ZRANB2: variants seen among roughly 807,000 people sequenced by gnomAD.
The protein encoded by ZRANB2 is zinc finger Ran-binding domain-containing protein 2.
Under a neutral mutation model 53.4 loss-of-function variants are expected in ZRANB2, and 19 were observed. That is an observed-to-expected ratio of 0.36 (90% confidence interval 0.25 to 0.52). The LOEUF is 0.52. Ranked by LOEUF, ZRANB2 falls within the 20% of genes least tolerant of loss-of-function variation. The probability of loss-of-function intolerance (pLI) is 0.93; values close to 1 mark genes in which losing one functional copy is unlikely to be tolerated. For synonymous variants in ZRANB2, 145 were observed against 134.8 expected (o/e 1.08, Z -0.52); for missense variants, 309 against 401.1 (o/e 0.77, Z 1.96).
At chr1:71,071,075 G>A in intron 6 of ZRANB2, 79 bp from the exon 7 acceptor site, 2 of 1,269,288 alleles carry the variant, frequency 1.6e-6, no homozygotes, top group Non-Finnish European at 2.1e-6. Flanking sequence ...TAGGTGTACT[G>A]AGCACCTCCA....
rs943685279 is a variant in ZRANB2 at position 71,064,281 on chromosome 1, AC to A, written c.*792del. ...CATTAAGTATGATTTAGCCTTTTCT[AC>A]CATATTATATTTGGTAACTACATTT... On this transcript the variant is annotated 3_prime_UTR_variant, in exon 10 of 10. Coordinates refer to ENST00000370920, the MANE Select transcript of ZRANB2 (RefSeq NM_203350.3). 1.3e-5 allele frequency: 2 copies of A among 152,114 alleles called. No individual in the cohort carries two copies. The highest frequency in any genetic ancestry group is 4.8e-5 in the African/African-American group (2 of 41,440). The allele number at this position is 152,114 out of a possible 1,614,324, so 9.4% of individuals were successfully genotyped here.
intron 8 of ZRANB2, 106 bp from the exon 9 acceptor site, chr1:71,067,040 T>C: frequency 3.4e-6 from 4 of 1,166,012 alleles, no homozygotes; most frequent in East Asian, 5.5e-5. Flanking sequence ...ATAACAACTA[T>C]GAAAATTTTA....
chr1:71,072,893 G>T (rs1051623076), intron 4 of ZRANB2, among the ~76,000 whole-genome samples: 2 of 152,000 alleles, frequency 1.3e-5, no homozygotes, highest in African/African-American at 4.8e-5. Flanking sequence ...TCTGGGAAGG[G>T]TGGGCTCAGT....
At chr1:71,079,786 T>C (rs1399782437) in intron 1 of ZRANB2, among the ~76,000 whole-genome samples, 1 of 152,184 alleles carries the variant, frequency 6.6e-6, no homozygotes, top group Non-Finnish European at 1.5e-5. Flanking sequence ...GAAGTTGTTG[T>C]TCTAAATCTT....
intron 3 of ZRANB2, among the ~76,000 whole-genome samples, chr1:71,077,228 C>T (rs1661729421): frequency 2.6e-5 from 4 of 152,164 alleles, no homozygotes; most frequent in African/African-American, 7.2e-5. Flanking sequence ...GAGGACATGA[C>T]ACTCAACAGA....
intron 1 of ZRANB2, 33 bp from the exon 2 acceptor site, chr1:71,078,741 T>G: frequency 1.9e-6 from 3 of 1,578,072 alleles, no homozygotes; most frequent in African/African-American, 1.4e-5. Context: ...TTATAAAAAT[T>G]TAAATTTGTA....
intron 6 of ZRANB2, 102 bp downstream of exon 6, chr1:71,072,019 A>G (rs1395515993): frequency 1.4e-5 from 21 of 1,480,204 alleles, no homozygotes; most frequent in Non-Finnish European, 1.6e-5. Context: ...AAATGAAAAC[A>G]CAGAATATAT....
Position 71,078,718 on chromosome 1 carries a change from G to A in ZRANB2, c.57-10C>T. Reference sequence around the variant, plus strand: ...GTTTACATTTCCACATCTAAAAACAGATTAAAAAGCATTTATAAAAATTTA... The same window carrying A: ...GTTTACATTTCCACATCTAAAAACAAATTAAAAAGCATTTATAAAAATTTA... On this transcript the variant is annotated splice_polypyrimidine_tract_variant and intron_variant, in intron 1 of 9. Transcript: ENST00000370920. The A allele has an allele frequency of 6.2e-7, 1 of 1,607,196 alleles. No homozygotes were observed. Among genetic ancestry groups the A allele is most frequent in the South Asian group, 1.1e-5 (1 of 89,996 alleles).
At chr1:71,071,532 CAT>C (rs1166180385) in intron 6 of ZRANB2, among the ~76,000 whole-genome samples, 1 of 152,118 alleles carries the variant, frequency 6.6e-6, no homozygotes, top group East Asian at 1.9e-4. Context: ...GTACCCTTAA[CAT>C]GGCATAAAAC....
At chr1:71,077,082 G>A (rs1661725870) in intron 3 of ZRANB2, among the ~76,000 whole-genome samples, 1 of 152,196 alleles carries the variant, frequency 6.6e-6, no homozygotes, top group South Asian at 2.1e-4. Context: ...TTTAAGCAGA[G>A]AAGCAAAATT....
chr1:71,068,631 C>G (rs1661516946), intron 8 of ZRANB2, among the ~76,000 whole-genome samples: 1 of 152,050 alleles, frequency 6.6e-6, no homozygotes, highest in Non-Finnish European at 1.5e-5. Context: ...ATACAGTACT[C>G]TAGTAACTTT....
intron 9 of ZRANB2, chr1:71,066,091 T>G (rs1033240096): frequency 1.6e-5 from 3 of 184,590 alleles, no homozygotes; most frequent in Admixed American, 6.1e-5. Context: ...AGACTACAAA[T>G]AAAGCCATTA....
In ZRANB2 at chr1:71,066,057, TAATAA is replaced by T. The variant is rs142681569; in HGVS notation, c.929+714_929+718del. On this transcript the variant is annotated intron_variant, in intron 9 of 9. Coordinates refer to ENST00000370920, the MANE Select transcript of ZRANB2 (RefSeq NM_203350.3). ...TTACATAATCTTTATTTTCACAAGC[TAATAA>T]AATATGAAAAATTTGCAAAGACTAC... The T allele has an allele frequency of 9.2e-3, 1,791 of 194,990 alleles. 39 individuals are homozygous for T. The highest frequency in any genetic ancestry group is 0.039 in the African/African-American group (1,662 of 42,974). The allele number at this position is 194,990 out of a possible 1,614,324, so 12.1% of individuals were successfully genotyped here. A position where few individuals can be genotyped will look rare whatever the true frequency, so the allele number is the denominator to read the frequency against.
intron 4 of ZRANB2, 48 bp from the exon 5 acceptor site, chr1:71,072,596 TAATA>T (rs1392609103): frequency 7.1e-7 from 1 of 1,415,582 alleles, no homozygotes; most frequent in African/African-American, 1.4e-5. Flanking sequence ...TTGATTTAAA[TAATA>T]AACACATCAT....
At position 71,065,151 on chromosome 1, in the gene ZRANB2, T is replaced by A. The variant is rs761800037; in HGVS notation, c.930-14A>T. 2 of 1,603,996 alleles carry A rather than the reference T, an allele frequency of 1.2e-6. No individual in the cohort carries two copies. The highest frequency in any genetic ancestry group is 1.7e-6 in the Non-Finnish European group (2 of 1,172,068). ...GACCTGTGGCGTCTGTAAGACATAATGGAGAGAGTAGGCATTCTAGTAAGC... is the reference window on the plus strand; with the variant it reads ...GACCTGTGGCGTCTGTAAGACATAAAGGAGAGAGTAGGCATTCTAGTAAGC... On this transcript the variant is annotated splice_polypyrimidine_tract_variant and intron_variant, in intron 9 of 9. Transcript: ENST00000370920.
At chr1:71,074,756 CCAG>C (rs55731804) in intron 4 of ZRANB2, among the ~76,000 whole-genome samples, 149,837 of 152,136 alleles carry the variant, frequency 0.98, 73,836 homozygotes, top group East Asian at 1. Context: ...GCAGGATAAG[CCAG>C]CAGCAATCTT....
At chr1:71,079,214 A>G (rs751643056) in intron 1 of ZRANB2, among the ~76,000 whole-genome samples, 12 of 152,202 alleles carry the variant, frequency 7.9e-5, no homozygotes, top group Non-Finnish European at 1.5e-4. Flanking sequence ...AAAATACAAA[A>G]AGATTCAATA....
intron 9 of ZRANB2, chr1:71,065,611 C>T (rs1661408553): frequency 3.3e-6 from 5 of 1,517,656 alleles, no homozygotes; most frequent in African/African-American, 1.4e-5. Context: ...CTAGGTCACA[C>T]AAGATGATTG....
intron 1 of ZRANB2, among the ~76,000 whole-genome samples, chr1:71,079,886 G>T (rs938220276): frequency 1.3e-5 from 2 of 151,950 alleles, no homozygotes; most frequent in African/African-American, 4.8e-5. Flanking sequence ...TGTTAGGCTT[G>T]AACTACTCCT....
Sources: gnomAD v4.1 joint callset for allele counts (sites outside exome capture counted in the v4.1 genomes callset) on GRCh38, gnomAD v4.1.1 for gene constraint, MANE v1.5 for transcripts, NCBI Gene and HGNC (gene_info 2026-07-23, HGNC 2026-07-21) for gene names.